Variants in SLCO5A1 observed in about 807,000 individuals in gnomAD.
SLCO5A1 encodes solute carrier organic anion transporter family member 5A1, also known as organic anion transporter polypeptide-related protein 4.
SLCO5A1 carries 39 observed loss-of-function variants against 65.1 expected under a neutral mutation model. The observed-to-expected ratio is 0.60, with a 90% CI of 0.46 to 0.78. The LOEUF is 0.78. SLCO5A1 is among the 30% of genes least tolerant of loss of function. The pLI, the probability that SLCO5A1 is intolerant of heterozygous loss-of-function variation, is 0.00. For synonymous variants in SLCO5A1, 438 were observed against 415.7 expected (o/e 1.05, Z -0.65); for missense variants, 1,029 against 1,069.4 (o/e 0.96, Z 0.53).
chr8:69,738,509 T>C (rs1300064525), intron 4 of SLCO5A1, among the ~76,000 whole-genome samples: 3 of 152,194 alleles, frequency 2.0e-5, no homozygotes, highest in Admixed American at 6.5e-5. Flanking sequence ...ACTGTTAGAA[T>C]TATTTGCATT....
At chr8:69,819,230 T>C (rs1435565365) in intron 2 of SLCO5A1, among the ~76,000 whole-genome samples, 2 of 152,016 alleles carry the variant, frequency 1.3e-5, no homozygotes, top group Non-Finnish European at 2.9e-5. Flanking sequence ...CCGGGCATGC[T>C]CAGCACAGCT....
intron 2 of SLCO5A1, among the ~76,000 whole-genome samples, chr8:69,788,397 C>G (rs184879201): frequency 1.1e-4 from 17 of 152,262 alleles, no homozygotes; most frequent in African/African-American, 3.9e-4. Flanking sequence ...ATCTCGTTAC[C>G]TATCTTAGCC....
chr8:69,705,271 C>T, intron 5 of SLCO5A1, 42 bp from the exon 6 acceptor site: 1 of 1,576,258 alleles, frequency 6.3e-7, no homozygotes, highest in Non-Finnish European at 8.7e-7. Context: ...AACTCATGTA[C>T]ACTATTATTC....
At chr8:69,679,681 A>G (rs1249204283) in intron 7 of SLCO5A1, 62 bp from the exon 8 acceptor site, 5 of 1,580,582 alleles carry the variant, frequency 3.2e-6, no homozygotes, top group Non-Finnish European at 4.3e-6. Context: ...GCATAAGAAT[A>G]TTAAGACAAA....
At chr8:69,698,191 CT>C (rs1471455983) in intron 6 of SLCO5A1, among the ~76,000 whole-genome samples, 2 of 152,132 alleles carry the variant, frequency 1.3e-5, no homozygotes, top group African/African-American at 4.8e-5. Context: ...CGGTCTCATT[CT>C]TTTTTATGGC....
intron 2 of SLCO5A1, among the ~76,000 whole-genome samples, chr8:69,770,308 A>G (rs1286912046): frequency 1.3e-5 from 2 of 152,128 alleles, no homozygotes; most frequent in Non-Finnish European, 2.9e-5. Flanking sequence ...AAAGAACCAG[A>G]TCCCGGCCCG....
intron 2 of SLCO5A1, among the ~76,000 whole-genome samples, chr8:69,771,146 G>C (rs992908465): frequency 6.6e-6 from 1 of 151,786 alleles, no homozygotes; most frequent in Non-Finnish European, 1.5e-5. Flanking sequence ...CACCACGCCC[G>C]GCTAATTTTG....
intron 5 of SLCO5A1, chr8:69,713,715 T>C (rs904990627): frequency 6.6e-6 from 1 of 152,208 alleles, no homozygotes; most frequent in South Asian, 2.1e-4. Flanking sequence ...TCATGGTGCA[T>C]CTTGCCAGCA....
intron 4 of SLCO5A1, among the ~76,000 whole-genome samples, chr8:69,742,854 G>A (rs1292285941): frequency 6.9e-6 from 1 of 145,976 alleles, no homozygotes; most frequent in Non-Finnish European, 1.5e-5. Flanking sequence ...AGGCTGGAGT[G>A]CAGTGGCGTG....
In SLCO5A1 at chr8:69,682,151, C is replaced by T. The variant is rs750298738; in HGVS notation, c.1782+33G>A. ...CACATCCTTGTCACAGGATGTTGGA[C>T]TAACAGAAGAGGAACTTGTGAAATA... On this transcript the variant is annotated intron_variant, in intron 7 of 9. Transcript: ENST00000260126. The T allele has an allele frequency of 1.9e-6, 3 of 1,587,384 alleles. No individual in the cohort carries two copies. In the South Asian group the frequency reaches 3.5e-5, roughly 19 times the overall value.
intron 2 of SLCO5A1, among the ~76,000 whole-genome samples, chr8:69,778,333 A>G (rs1818656943): frequency 6.6e-6 from 1 of 151,886 alleles, no homozygotes; most frequent in Non-Finnish European, 1.5e-5. Flanking sequence ...ATTTTATCTC[A>G]GGAATAAAAG....
At chr8:69,683,329 A>G (rs1813861068) in intron 6 of SLCO5A1, among the ~76,000 whole-genome samples, 1 of 152,184 alleles carries the variant, frequency 6.6e-6, no homozygotes, top group Non-Finnish European at 1.5e-5. Flanking sequence ...CCTTCATCCA[A>G]CCATCCATTT....
At chr8:69,823,590 T>A (rs1394715767) in intron 2 of SLCO5A1, among the ~76,000 whole-genome samples, 1 of 152,112 alleles carries the variant, frequency 6.6e-6, no homozygotes, top group Non-Finnish European at 1.5e-5. Context: ...CCTAAATATA[T>A]ATGCACCCAA....
At chr8:69,825,976 C>T (rs1586841119) in intron 2 of SLCO5A1, among the ~76,000 whole-genome samples, 2 of 152,180 alleles carry the variant, frequency 1.3e-5, no homozygotes, top group Admixed American at 6.5e-5. Flanking sequence ...AATAACGCTG[C>T]ATATCTACAA....
At chr8:69,748,887 G>A (rs71517255) in intron 4 of SLCO5A1, among the ~76,000 whole-genome samples, 8,924 of 152,204 alleles carry the variant, frequency 0.059, 285 homozygotes, top group African/African-American at 0.076. Context: ...TGGTGATGCT[G>A]TTGTAGGCTG....
chr8:69,790,719 C>A (rs995385526), intron 2 of SLCO5A1, among the ~76,000 whole-genome samples: 1 of 152,024 alleles, frequency 6.6e-6, no homozygotes, highest in Non-Finnish European at 1.5e-5. Flanking sequence ...GAATAATATG[C>A]GGTTTTAAAC....
At chr8:69,789,669 A>T (rs1164678842) in intron 2 of SLCO5A1, among the ~76,000 whole-genome samples, 1 of 152,192 alleles carries the variant, frequency 6.6e-6, no homozygotes, top group Non-Finnish European at 1.5e-5. Context: ...TTTTTGTTAA[A>T]TAAGTGGATT....
At chr8:69,683,276 T>C (rs1476012222) in intron 6 of SLCO5A1, among the ~76,000 whole-genome samples, 1 of 152,188 alleles carries the variant, frequency 6.6e-6, no homozygotes, top group Non-Finnish European at 1.5e-5. Flanking sequence ...GTATCACTGA[T>C]GAAATGTTGT....
chr8:69,683,773 G>A (rs192626020), intron 6 of SLCO5A1, among the ~76,000 whole-genome samples: 1 of 152,108 alleles, frequency 6.6e-6, no homozygotes, highest in Non-Finnish European at 1.5e-5. Context: ...ATGTTGGCCA[G>A]GCTGGTCTCG....
Sources: allele counts gnomAD v4.1 joint callset (sites outside exome capture counted in the v4.1 genomes callset), GRCh38; gene constraint gnomAD v4.1.1; transcripts MANE v1.5; gene names NCBI Gene and HGNC (gene_info 2026-07-23, HGNC 2026-07-21).